Variants in CUL9 observed in about 807,000 individuals in gnomAD.
The protein encoded by CUL9 is cullin 9.
In CUL9, 79 loss-of-function variants were observed where a neutral mutation model predicts 272.6. The observed-to-expected ratio is 0.29, with a 90% CI of 0.24 to 0.35. The LOEUF (loss-of-function observed/expected upper bound fraction) is 0.35, where lower values mean the gene tolerates loss of function less well. Among genes scored for constraint, CUL9 ranks in the 10% least tolerant of loss-of-function variants. The pLI, the probability that CUL9 is intolerant of heterozygous loss-of-function variation, is 1.00. For missense variants in CUL9, 2,532 were observed against 3,255.6 expected, an observed-to-expected ratio of 0.78 and a Z score of 5.41; for synonymous variants, 1,186 against 1,286.5, an observed-to-expected ratio of 0.92 and a Z score of 1.67.
chr6:43,222,807 T>A lies in CUL9; in HGVS notation c.7061T>A (p.Phe2354Tyr). The change falls in exon 38 of 41, where the codon TTC becomes TAC. Residue 2354 changes from phenylalanine (F) to tyrosine (Y), a missense_variant. Coordinates refer to ENST00000252050, the MANE Select transcript of CUL9 (RefSeq NM_015089.4). The part of the protein sequence containing the change: ...KVLAYACVYS[F>Y]YSQDAEYMDV... ...CTGGCCTACGCCTGCGTGTACAGCTTCTACAGCCAGGACGCAGAGTACATG... is the reference window on the plus strand; with the variant it reads ...CTGGCCTACGCCTGCGTGTACAGCTACTACAGCCAGGACGCAGAGTACATG... The A allele has an allele frequency of 1.2e-6, 2 of 1,614,094 alleles. No homozygotes were observed. Among genetic ancestry groups the A allele is most frequent in the Non-Finnish European group, 1.7e-6 (2 of 1,179,994 alleles).
At position 43,221,840 on chromosome 6, in the gene CUL9, C is replaced by A; in HGVS notation, c.6846+62C>A. The A allele has an allele frequency of 7.0e-7, 1 of 1,436,458 alleles. No individual in the cohort carries two copies. Among genetic ancestry groups the A allele is most frequent in the Non-Finnish European group, 9.6e-7 (1 of 1,036,428 alleles). 89.0% of individuals were successfully genotyped at this position (1,436,458 alleles called of 1,614,324 possible). The stretch of plus-strand genomic sequence containing the variant: ...GAGCCGTCGGGGAGGGGTGCTGCTA[C>A]CAGGTCCTGGGCAGACAGGGCTCCT... On this transcript the variant is annotated intron_variant, in intron 35 of 40. Coordinates refer to ENST00000252050, the MANE Select transcript of CUL9 (RefSeq NM_015089.4). The surrounding 1 kb of genome is among the most constrained non-coding windows in gnomAD (Gnocchi z 4.2).
In CUL9 at chr6:43,222,591, T is replaced by C; in HGVS notation, c.6982T>C (p.Ser2328Pro). Residue 2328 changes from serine (S) to proline (P), a missense_variant, in exon 37 of 41, where the codon TCC becomes CCC. Transcript: ENST00000252050. The stretch of plus-strand genomic sequence containing the variant: ...CATCCATGAAGTGCCCCCGCCCAGA[T>C]CCTTCACCTTCCTCAATGATGCCTG... ...SAIHEVPPPR[S>P]FTFLNDACQG... The C allele has an allele frequency of 1.9e-6, 3 of 1,613,316 alleles. No homozygotes were observed. The highest frequency in any genetic ancestry group is 1.3e-5 in the African/African-American group (1 of 75,022).
chr6:43,215,893 T>C (rs1449053853), intron 30 of CUL9, among the ~76,000 whole-genome samples: 2 of 152,210 alleles, frequency 1.3e-5, no homozygotes, highest in African/African-American at 4.8e-5. Context: ...AGTGGGACTG[T>C]CCCATCAGCT....
Position 43,213,931 on chromosome 6 carries a change from A to G in CUL9, c.5688+19A>G. The stretch of plus-strand genomic sequence containing the variant: ...TTGTCTGGTAGGCAGAGAGGGGACC[A>G]TGAAGTTGGCGGAGGGAGGGAGTCA... On this transcript the variant is annotated intron_variant, in intron 29 of 40. Coordinates refer to ENST00000252050, the MANE Select transcript of CUL9 (RefSeq NM_015089.4). The surrounding 1 kb of genome is among the most constrained non-coding windows in gnomAD (Gnocchi z 5.7). 1.2e-6 allele frequency: 2 copies of G among 1,613,488 alleles called. No individual in the cohort carries two copies. The highest frequency in any genetic ancestry group is 1.7e-5 in the Admixed American group (1 of 60,018).
chr6:43,200,695 T>C lies in CUL9; in HGVS notation c.3508T>C (p.Trp1170Arg), dbSNP rs1205403639. 6.2e-7 allele frequency: 1 copy of C among 1,614,082 alleles called. No homozygotes were observed. The highest frequency in any genetic ancestry group is 8.5e-7 in the Non-Finnish European group (1 of 1,180,032). ...TGTGGAAGTGAAGGAGGACAAGTGC[T>C]GGGAGAAGGTGGAGGTGTCCTCCAA... ...SSVEVKEDKC[W>R]EKVEVSSNPH... Residue 1170 changes from tryptophan to arginine, a missense_variant, in exon 16 of 41, where the codon TGG (tryptophan) becomes CGG (arginine). Coordinates refer to ENST00000252050, the MANE Select transcript of CUL9 (RefSeq NM_015089.4). This position sits in a 1 kb window ranked among gnomAD's most constrained non-coding sequence, Gnocchi z 4.0.
intron 26 of CUL9, among the ~76,000 whole-genome samples, chr6:43,208,799 G>A (rs973545022): frequency 4.6e-5 from 7 of 151,912 alleles, no homozygotes; most frequent in African/African-American, 9.7e-5. Flanking sequence ...TATATCTAGC[G>A]TAACATTTGC....
chr6:43,203,303 G>A lies in CUL9; in HGVS notation c.3849+99G>A. 1.3e-6 allele frequency: 2 copies of A among 1,592,334 alleles called. No homozygotes were observed. Among genetic ancestry groups the A allele is most frequent in the East Asian group, 4.5e-5 (2 of 44,746 alleles). On this transcript the variant is annotated intron_variant, in intron 18 of 40. Transcript: ENST00000252050. The surrounding 1 kb of genome is among the most constrained non-coding windows in gnomAD (Gnocchi z 5.0). ...ATGGCCCAGGACCTGTTGAGTCCCA[G>A]AGATGTGGGGATGTCCTGAGCAGTT... is the stretch of plus-strand genomic sequence containing the variant.
chr6:43,197,010 C>G, intron 11 of CUL9, 148 bp downstream of exon 11: 2 of 660,322 alleles, frequency 3.0e-6, no homozygotes, highest in South Asian at 3.9e-5. Flanking sequence ...ACTTCCCGAC[C>G]AAGAAGAGGG....
rs188497285 is a variant in CUL9, at chr6:43,203,018, A to T, written c.3754-91A>T. The T allele has an allele frequency of 4.6e-4, 659 of 1,428,282 alleles. 6 individuals carry two copies. The highest frequency in any genetic ancestry group is 8.0e-5 in the Non-Finnish European group (81 of 1,016,994). The allele number at this position is 1,428,282 out of a possible 1,614,324, so 88.5% of individuals were successfully genotyped here. A position where few individuals can be genotyped will look rare whatever the true frequency, so the allele number is the denominator to read the frequency against. ...GCTCTGCGGGAGAAGTGAAGGGCAC[A>T]CACCATGACCGACTTGGTTACTGTC... On this transcript the variant is annotated intron_variant, in intron 17 of 40. Transcript: ENST00000252050. The surrounding 1 kb of genome is among the most constrained non-coding windows in gnomAD (Gnocchi z 5.0).
rs201355041 is a variant in CUL9, at chr6:43,205,295, A to G, written c.4665A>G (p.Gln1555=). ...MSEQFARYID[Q]QIQGGLIGGA... Reference sequence around the variant, plus strand: ...AGCAGTTTGCCAGGTACATTGACCAACAGATCCAGGGTGGCCTGATTGGTG... The same window carrying G: ...AGCAGTTTGCCAGGTACATTGACCAGCAGATCCAGGGTGGCCTGATTGGTG... Residue 1555 remains glutamine, a synonymous_variant, in exon 24 of 41, where the codon CAA becomes CAG. Coordinates refer to ENST00000252050, the MANE Select transcript of CUL9 (RefSeq NM_015089.4). The G allele has an allele frequency of 1.2e-4, 201 of 1,614,142 alleles. No homozygotes were observed. Among genetic ancestry groups the G allele is most frequent in the Admixed American group, 6.3e-4 (38 of 60,020 alleles).
intron 24 of CUL9, 143 bp downstream of exon 24, chr6:43,205,566 C>T (rs1383203664): frequency 1.5e-5 from 14 of 940,922 alleles, no homozygotes; most frequent in South Asian, 1.6e-5. Flanking sequence ...CGCGGTGGCT[C>T]ACGCATGTAA....
At chr6:43,222,927 C>G in intron 38 of CUL9, 31 bp downstream of exon 38, 1 of 1,575,154 alleles carries the variant, frequency 6.3e-7, no homozygotes, top group Admixed American at 1.7e-5. Flanking sequence ...AGGCCCTCCT[C>G]CTGCCTCCTC....
chr6:43,193,608 G>A lies in CUL9; in HGVS notation c.2388+400G>A, dbSNP rs181057096. On this transcript the variant is annotated intron_variant, in intron 9 of 40. Transcript: ENST00000252050. ...GTTGCCTAGGCTGGAGTGCAGTGGC[G>A]CTATCTCGGGTCACTACAACCTCCA... is the stretch of plus-strand genomic sequence containing the variant. Among the ~76,000 whole-genome samples the A allele has an allele frequency of 5.1e-3, 780 of 152,058 alleles. 4 individuals carry two copies. The highest frequency in any genetic ancestry group is 7.9e-3 in the Non-Finnish European group (540 of 67,972).
chr6:43,212,138 T>C (rs998287881), intron 26 of CUL9, among the ~76,000 whole-genome samples: 5 of 152,236 alleles, frequency 3.3e-5, no homozygotes, highest in Admixed American at 2.6e-4. Context: ...AAAACTGATT[T>C]GTAGGTGTAG....
rs1394641468 is a variant in CUL9, at chr6:43,200,034, C to T, written c.3262C>T (p.Leu1088=). ...LGAKEILSKV[L]DKHSAQLLLG... is the part of the protein sequence containing the mutation. ...AGCAAAAGAGATCCTCTCCAAAGTC[C>T]TGGACAAGCACTCAGCTCAGCTGCT... is the stretch of plus-strand genomic sequence containing the variant. The change falls in exon 14 of 41, where the codon CTG becomes TTG. Residue 1088 remains leucine, a synonymous_variant. Coordinates refer to ENST00000252050, the MANE Select transcript of CUL9 (RefSeq NM_015089.4). This position sits in a 1 kb window ranked among gnomAD's most constrained non-coding sequence, Gnocchi z 4.0. The T allele has an allele frequency of 3.1e-6, 5 of 1,614,232 alleles. No homozygotes were observed. The highest frequency in any genetic ancestry group is 4.2e-6 in the Non-Finnish European group (5 of 1,180,050).
rs541785501 is a variant in CUL9, at chr6:43,215,714, G to A, written c.5936+388G>A. Reference sequence around the variant, plus strand: ...TGCATCATGTGTAAAGTGAATTATCGCGAGTAATCTTTCTCAAACCTCAAC... The same window carrying A: ...TGCATCATGTGTAAAGTGAATTATCACGAGTAATCTTTCTCAAACCTCAAC... On this transcript the variant is annotated intron_variant, in intron 30 of 40. Coordinates refer to ENST00000252050, the MANE Select transcript of CUL9 (RefSeq NM_015089.4). Among the ~76,000 whole-genome samples, 236 of 152,206 alleles carry A rather than the reference G, an allele frequency of 1.6e-3. 1 individual carries two copies. The highest frequency in any genetic ancestry group is 5.3e-3 in the African/African-American group (222 of 41,520).
Position 43,221,198 on chromosome 6 carries a change from T to TCGA in CUL9, c.6635_6637dup (p.Asp2212dup). ...AGCTGTGGCCATATGTCTCAGTGGG[T>TCGA]CGACGACGGTGGCTACTATGACGGC... On this transcript the variant is annotated inframe_insertion, in exon 34 of 41. Coordinates refer to ENST00000252050, the MANE Select transcript of CUL9 (RefSeq NM_015089.4). The surrounding 1 kb of genome is among the most constrained non-coding windows in gnomAD (Gnocchi z 4.2). 6.2e-7 allele frequency: 1 copy of TCGA among 1,610,836 alleles called. No homozygotes were observed.
rs2150646810 is a variant in CUL9, at chr6:43,220,327, C to A, written c.6283-132C>A. On this transcript the variant is annotated intron_variant, in intron 31 of 40. Transcript: ENST00000252050. This position sits in a 1 kb window ranked among gnomAD's most constrained non-coding sequence, Gnocchi z 4.9. ...GAGTCAGCATTGGTTGATCTAGAGG[C>A]AGGCTTGTTTCTGGCCTTCCACGTT... 1.9e-6 allele frequency: 2 copies of A among 1,026,816 alleles called. No homozygotes were observed. Among genetic ancestry groups the A allele is most frequent in the Non-Finnish European group, 2.9e-6 (2 of 689,010 alleles). The allele number at this position is 1,026,816 out of a possible 1,614,324, so 63.6% of individuals were successfully genotyped here.
chr6:43,206,636 G>A lies in CUL9; in HGVS notation c.5212+126G>A. On this transcript the variant is annotated intron_variant, in intron 26 of 40. Coordinates refer to ENST00000252050, the MANE Select transcript of CUL9 (RefSeq NM_015089.4). The surrounding 1 kb of genome is among the most constrained non-coding windows in gnomAD (Gnocchi z 4.8). ...AATATCAGCTCCTAGCGAGGGATGA[G>A]AAAGCATGGGTTGTAGTTTCATTAA... 1.3e-6 allele frequency: 1 copy of A among 742,424 alleles called. No individual in the cohort carries two copies. 46.0% of individuals were successfully genotyped at this position (742,424 alleles called of 1,614,324 possible). A position where few individuals can be genotyped will look rare whatever the true frequency, so the allele number is the denominator to read the frequency against.
Sources: gnomAD v4.1 joint callset for allele counts (sites outside exome capture counted in the v4.1 genomes callset) on GRCh38, gnomAD v4.1.1 for gene constraint, Gnocchi (gnomAD v3.1) non-coding constraint, MANE v1.5 for transcripts, NCBI Gene and HGNC (gene_info 2026-07-23, HGNC 2026-07-21) for gene names.